ESRRG: variants seen among roughly 807,000 people sequenced by gnomAD.
The protein encoded by ESRRG is estrogen related receptor gamma.
Under a neutral mutation model 44.0 loss-of-function variants are expected in ESRRG, and 13 were observed. The ratio of observed to expected loss-of-function variants is 0.30; its 90% CI spans 0.19 to 0.47. The LOEUF (loss-of-function observed/expected upper bound fraction) is 0.47, where lower values mean the gene tolerates loss of function less well. Among genes scored for constraint, ESRRG ranks in the 20% least tolerant of loss-of-function variants. The pLI is 1.00. For missense variants in ESRRG, 395 were observed against 580.6 expected (o/e 0.68, Z 3.29); for synonymous variants, 215 against 214.6 (o/e 1.00, Z -0.02).
At chr1:216,938,504 T>A (rs561362299) in intron 2 of ESRRG, among the ~76,000 whole-genome samples, 1 of 152,268 alleles carries the variant, frequency 6.6e-6, no homozygotes, top group South Asian at 2.1e-4. Context: ...GAAAACATAT[T>A]CTCCCGCTGA....
intron 1 of ESRRG, among the ~76,000 whole-genome samples, chr1:216,702,256 AT>A (rs2081508633): frequency 6.6e-6 from 1 of 152,198 alleles, no homozygotes; most frequent in Non-Finnish European, 1.5e-5. Context: ...TAAAATTAAC[AT>A]CCAGATTATA....
intron 1 of ESRRG, among the ~76,000 whole-genome samples, chr1:217,038,645 G>T (rs1412278520): frequency 6.6e-6 from 1 of 152,218 alleles, no homozygotes; most frequent in Non-Finnish European, 1.5e-5. Context: ...GGTTCCCTAG[G>T]CTCAGGCCAG....
chr1:217,121,581 A>C (rs1351481173), intron 1 of ESRRG, among the ~76,000 whole-genome samples: 1 of 152,150 alleles, frequency 6.6e-6, no homozygotes, highest in Non-Finnish European at 1.5e-5. Flanking sequence ...GACATTTAGG[A>C]GATGAAAATG....
At chr1:217,060,818 A>AGATAGACAGAT in intron 1 of ESRRG, among the ~76,000 whole-genome samples, 1 of 150,134 alleles carries the variant, frequency 6.7e-6, no homozygotes, top group African/African-American at 2.5e-5. Context: ...ATAGATAGAT[A>AGATAGACAGAT]GATAGATAGA....
intron 1 of ESRRG, among the ~76,000 whole-genome samples, chr1:216,998,215 A>G (rs11572446): frequency 1.4e-3 from 207 of 152,352 alleles, no homozygotes; most frequent in South Asian, 3.5e-3. Context: ...AAAATGCAAG[A>G]AACACTAAAC....
intron 1 of ESRRG, among the ~76,000 whole-genome samples, chr1:216,960,462 T>C (rs2150168144): frequency 6.6e-6 from 1 of 152,292 alleles, no homozygotes; most frequent in South Asian, 2.1e-4. Context: ...TGTCCCTAAA[T>C]GAGGTATTGT....
intron 5 of ESRRG, among the ~76,000 whole-genome samples, chr1:216,523,762 A>C (rs1000312907): frequency 2.0e-5 from 3 of 151,766 alleles, no homozygotes; most frequent in African/African-American, 7.3e-5. Context: ...AGCATTTTAA[A>C]TCTTCAGGGC....
chr1:216,996,893 T>C (rs1204343169), intron 1 of ESRRG, among the ~76,000 whole-genome samples: 2 of 152,174 alleles, frequency 1.3e-5, no homozygotes. Context: ...TTAAATATCT[T>C]TTGCAAGTTG....
chr1:216,633,729 A>G (rs1321848252), intron 3 of ESRRG, among the ~76,000 whole-genome samples: 1 of 152,240 alleles, frequency 6.6e-6, no homozygotes, highest in East Asian at 1.9e-4. Context: ...ACCTCACCAG[A>G]AAACTGACAT....
chr1:216,847,284 A>G lies in ESRRG; in HGVS notation c.-14+92298T>C, dbSNP rs116298653. Among the ~76,000 whole-genome samples, 404 of 152,264 alleles carry G rather than the reference A, an allele frequency of 2.7e-3. 2 individuals are homozygous for G. The highest frequency in any genetic ancestry group is 9.0e-3 in the African/African-American group (375 of 41,562). On this transcript the variant is annotated intron_variant, in intron 2 of 7. Transcript: ENST00000359162. ...GTAATGTTTAGTATTTACACTATAA[A>G]TCTGCTCTAACATGGCATTAAGTTG... is the stretch of plus-strand genomic sequence containing the variant.
intron 2 of ESRRG, among the ~76,000 whole-genome samples, chr1:216,800,489 A>G (rs1015881317): frequency 1.3e-5 from 2 of 152,228 alleles, no homozygotes; most frequent in Non-Finnish European, 2.9e-5. Flanking sequence ...GTTAATAAAC[A>G]GGGATATATA....
chr1:217,126,238 C>T (rs1467575680), intron 1 of ESRRG, among the ~76,000 whole-genome samples: 1 of 152,118 alleles, frequency 6.6e-6, no homozygotes. Flanking sequence ...CCTACCCACC[C>T]ACCCCGTAGC....
At chr1:217,067,234 G>T (rs1263180252) in intron 1 of ESRRG, among the ~76,000 whole-genome samples, 1 of 152,172 alleles carries the variant, frequency 6.6e-6, no homozygotes, top group African/African-American at 2.4e-5. Flanking sequence ...CATAGCAAAT[G>T]AATGTAGGCA....
chr1:216,913,870 T>C (rs1459778610), intron 2 of ESRRG, among the ~76,000 whole-genome samples: 1 of 152,250 alleles, frequency 6.6e-6, no homozygotes, highest in East Asian at 1.9e-4. Flanking sequence ...GCAAGGTTTT[T>C]ACCCTTTTCT....
At chr1:216,610,362 C>G (rs939692954) in intron 3 of ESRRG, among the ~76,000 whole-genome samples, 8 of 152,150 alleles carry the variant, frequency 5.3e-5, no homozygotes, top group African/African-American at 1.7e-4. Context: ...GCCTAATTTC[C>G]CCATATCCTT....
At chr1:216,727,389 C>A (rs912291251), upstream of ESRRG, among the ~76,000 whole-genome samples, 7 of 152,050 alleles carry the variant, frequency 4.6e-5, no homozygotes, top group East Asian at 1.3e-3. Flanking sequence ...GGGAAAAGAA[C>A]CTAAAATGAG....
chr1:216,853,776 T>A (rs147329746), intron 2 of ESRRG, among the ~76,000 whole-genome samples: 3 of 152,354 alleles, frequency 2.0e-5, no homozygotes, highest in African/African-American at 7.2e-5. Flanking sequence ...CTAGCTTTCA[T>A]CTGTTTTATT....
At chr1:217,007,668 G>A (rs1300562121) in intron 1 of ESRRG, among the ~76,000 whole-genome samples, 1 of 152,082 alleles carries the variant, frequency 6.6e-6, no homozygotes, top group Non-Finnish European at 1.5e-5. Flanking sequence ...ATGAAACTGA[G>A]CTTTCTAAAC....
intron 2 of ESRRG, among the ~76,000 whole-genome samples, chr1:216,817,479 A>T (rs1049637186): frequency 6.6e-6 from 1 of 152,218 alleles, no homozygotes; most frequent in Non-Finnish European, 1.5e-5. Flanking sequence ...CAAACCTTAC[A>T]TAAATAGGCT....
Sources: gnomAD v4.1 joint callset for allele counts (sites outside exome capture counted in the v4.1 genomes callset) on GRCh38, gnomAD v4.1.1 for gene constraint, MANE v1.5 for transcripts, NCBI Gene and HGNC (gene_info 2026-07-23, HGNC 2026-07-21) for gene names.